Variants in GAPVD1 observed in about 807,000 individuals in gnomAD.
The protein encoded by GAPVD1 is GTPase activating protein and VPS9 domains 1.
In GAPVD1, 35 loss-of-function variants were observed where a neutral mutation model predicts 155.5. The observed-to-expected ratio is 0.23, with a 90% CI of 0.17 to 0.30. The LOEUF is 0.30. Among genes scored for constraint, GAPVD1 ranks in the 10% least tolerant of loss-of-function variants. The probability of loss-of-function intolerance (pLI) is 1.00; values close to 1 mark genes in which losing one functional copy is unlikely to be tolerated. For synonymous variants in GAPVD1, 636 were observed against 619.7 expected, an observed-to-expected ratio of 1.03 and a Z score of -0.39; for missense variants, 1,429 against 1,775.7, an observed-to-expected ratio of 0.80 and a Z score of 3.51.
intron 2 of GAPVD1, among the ~76,000 whole-genome samples, chr9:125,279,228 C>T (rs980524229): frequency 1.0e-4 from 15 of 149,314 alleles, no homozygotes; most frequent in Non-Finnish European, 2.2e-4. Context: ...AAAAAAAAGA[C>T]AGTCATGTAC....
intron 2 of GAPVD1, among the ~76,000 whole-genome samples, chr9:125,289,425 T>C (rs144197380): frequency 3.3e-5 from 5 of 152,218 alleles, no homozygotes; most frequent in African/African-American, 7.2e-5. Context: ...ATGGTAGCAG[T>C]AAAAGTGTTG....
At position 125,326,549 on chromosome 9, in the gene GAPVD1, T is replaced by C. The variant is rs1174160040; in HGVS notation, c.1992T>C (p.Phe664=). Residue 664 remains phenylalanine (F), a synonymous_variant, in exon 12 of 28, where the codon TTT becomes TTC. Transcript: ENST00000297933. ...GTACAGACGTCTTGGGAAGTGACTT[T>C]GACCCTAATATTGATGAAGATCGCT... The part of the protein sequence containing the change: ...TWSTDVLGSD[F]DPNIDEDRLQ... The C allele has an allele frequency of 6.2e-7, 1 of 1,613,084 alleles. No homozygotes were observed. Among genetic ancestry groups the C allele is most frequent in the Non-Finnish European group, 8.5e-7 (1 of 1,179,156 alleles).
Position 125,292,847 on chromosome 9 carries a change from C to T in GAPVD1, c.-149-2611C>T, listed in dbSNP as rs180849148. Among the ~76,000 whole-genome samples the T allele has an allele frequency of 1.6e-3, 245 of 152,278 alleles. 1 individual carries two copies. Among genetic ancestry groups the T allele is most frequent in the African/African-American group, 5.7e-3 (237 of 41,560 alleles). ...AATTAAGGGGAGTCTTAATTGAGCA[C>T]ACAGGCTCTCCTGACTTCTGCAGAT... On this transcript the variant is annotated intron_variant, in intron 2 of 27. Coordinates refer to ENST00000297933, the MANE Select transcript of GAPVD1 (RefSeq NM_001282680.3).
At chr9:125,303,584 C>G (rs895384794) in intron 5 of GAPVD1, among the ~76,000 whole-genome samples, 1 of 151,608 alleles carries the variant, frequency 6.6e-6, no homozygotes, top group Non-Finnish European at 1.5e-5. Context: ...TGAGACCAAC[C>G]TGACCAACAT....
intron 8 of GAPVD1, among the ~76,000 whole-genome samples, chr9:125,312,174 G>T (rs568257759): frequency 1.3e-5 from 2 of 152,194 alleles, no homozygotes; most frequent in African/African-American, 4.8e-5. Flanking sequence ...CATGTTTGCT[G>T]TTCTGCAGAT....
chr9:125,263,668 T>G (rs1286695254), intron 1 of GAPVD1: 1 of 951,002 alleles, frequency 1.1e-6, no homozygotes, highest in Admixed American at 1.7e-5. Flanking sequence ...AGCTTTCTTG[T>G]CGGCACTAAG....
chr9:125,338,967 T>A (rs961395823), intron 17 of GAPVD1, among the ~76,000 whole-genome samples: 2 of 143,514 alleles, frequency 1.4e-5, no homozygotes, highest in African/African-American at 5.1e-5. Context: ...GTATATATAT[T>A]TTTTGTTGTT....
At chr9:125,343,256 A>G (rs1848073326) in intron 19 of GAPVD1, among the ~76,000 whole-genome samples, 1 of 151,820 alleles carries the variant, frequency 6.6e-6, no homozygotes, top group Non-Finnish European at 1.5e-5. Context: ...TGTGTGGCCC[A>G]AGACAATTCT....
At chr9:125,279,290 G>A (rs1440646200) in intron 2 of GAPVD1, among the ~76,000 whole-genome samples, 1 of 151,786 alleles carries the variant, frequency 6.6e-6, no homozygotes, top group Non-Finnish European at 1.5e-5. Flanking sequence ...TATGAGGAAG[G>A]CCGGCCGCAA....
chr9:125,302,423 T>C lies in GAPVD1; in HGVS notation c.626T>C (p.Val209Ala), dbSNP rs573549683. ...CATGAGCCAATTATGCAACTGCTTG[T>C]TGAAGATGAAGATCACCTGGAAACA... Reference protein sequence around the residue: ...TLHEPIMQLLVEDEDHLETDP... With the variant: ...TLHEPIMQLLAEDEDHLETDP... The change falls in exon 5 of 28, where the codon GTT (valine) becomes GCT (alanine). Residue 209 changes from valine to alanine, a missense_variant. Val to Ala is a moderately conservative substitution (Grantham distance 64). Transcript: ENST00000297933. The C allele has an allele frequency of 1.2e-6, 2 of 1,613,852 alleles. No individual in the cohort carries two copies. The highest frequency in any genetic ancestry group is 1.1e-5 in the South Asian group (1 of 91,072).
intron 5 of GAPVD1, among the ~76,000 whole-genome samples, chr9:125,303,693 T>C (rs1193811000): frequency 6.6e-6 from 1 of 151,506 alleles, no homozygotes; most frequent in Non-Finnish European, 1.5e-5. Context: ...GGAGAATTGC[T>C]TGAACCCGGG....
chr9:125,313,396 C>T (rs1481843226), intron 9 of GAPVD1, among the ~76,000 whole-genome samples: 2 of 151,596 alleles, frequency 1.3e-5, no homozygotes, highest in African/African-American at 4.9e-5. Context: ...CTCTGCCTCC[C>T]GGATTCACAC....
At chr9:125,320,168 T>G (rs570625470) in intron 9 of GAPVD1, among the ~76,000 whole-genome samples, 1 of 152,298 alleles carries the variant, frequency 6.6e-6, no homozygotes, top group African/African-American at 2.4e-5. Context: ...GAGGGTACTA[T>G]TCTTCCTTCA....
intron 2 of GAPVD1, among the ~76,000 whole-genome samples, chr9:125,293,878 A>ATATATATAAATATATTTTATATATT (rs1839321617): frequency 1.6e-4 from 3 of 18,988 alleles, no homozygotes; most frequent in African/African-American, 7.4e-4. Context: ...ATATATATAT[A>ATATATATAAATATATTTTATATATT]TATATATATA....
Position 125,349,449 on chromosome 9 carries a change from A to G in GAPVD1, c.3229A>G (p.Ile1077Val). The G allele has an allele frequency of 2.5e-6, 4 of 1,613,966 alleles. No individual in the cohort carries two copies. Among genetic ancestry groups the G allele is most frequent in the Non-Finnish European group, 3.4e-6 (4 of 1,179,882 alleles). ...DSPRDEALQN[I>V]SADDLPDSAS... ...TCCCCGTGACGAAGCACTGCAGAACATCTCGGCTGATGATCTCCCAGACTC... is the reference window on the plus strand; with the variant it reads ...TCCCCGTGACGAAGCACTGCAGAACGTCTCGGCTGATGATCTCCCAGACTC... The change falls in exon 21 of 28, where the codon ATC (isoleucine) becomes GTC (valine). Residue 1077 changes from isoleucine to valine, a missense_variant. Ile to Val is a conservative substitution (Grantham distance 29, BLOSUM62 3). Coordinates refer to ENST00000297933, the MANE Select transcript of GAPVD1 (RefSeq NM_001282680.3).
chr9:125,305,371 GTTTTTTTTT>G (rs34474690), intron 6 of GAPVD1, among the ~76,000 whole-genome samples: 1 of 111,578 alleles, frequency 9.0e-6, no homozygotes, highest in South Asian at 2.9e-4. Context: ...ATTTTAAAAA[GTTTTTTTTT>G]TTTTTTTTTT....
At position 125,331,953 on chromosome 9, in the gene GAPVD1, G is replaced by A. The variant is rs149129817; in HGVS notation, c.2201G>A (p.Arg734His). 2.4e-4 allele frequency: 389 copies of A among 1,613,928 alleles called. No individual in the cohort carries two copies. The highest frequency in any genetic ancestry group is 3.3e-4 in the Middle Eastern group (2 of 6,084). ...SEAPDLKQEE[R>H]LQELESCSGL... ...GCCCCAGACCTAAAGCAGGAGGAGC[G>A]TCTGCAAGAACTGGAGAGCTGTTCT... The change falls in exon 14 of 28, where the codon CGT (arginine) becomes CAT (histidine). Residue 734 changes from arginine to histidine, a missense_variant. Arg to His is a conservative substitution (Grantham distance 29, BLOSUM62 0). Around this residue, in one of 4 missense-constraint regions of GAPVD1, gnomAD observed 699 missense variants for 826.0 expected, o/e 0.85. Coordinates refer to ENST00000297933, the MANE Select transcript of GAPVD1 (RefSeq NM_001282680.3).
intron 3 of GAPVD1, among the ~76,000 whole-genome samples, chr9:125,296,519 T>A (rs1299805003): frequency 6.6e-6 from 1 of 150,708 alleles, no homozygotes; most frequent in African/African-American, 2.5e-5. Context: ...CATGCCCGGC[T>A]AATTTTGTGT....
chr9:125,269,711 T>G (rs1834568415), intron 2 of GAPVD1, among the ~76,000 whole-genome samples: 1 of 94,310 alleles, frequency 1.1e-5, no homozygotes, highest in African/African-American at 7.3e-5. Flanking sequence ...CATGCCTGGC[T>G]TTTTTTTTTT....
Sources: allele counts gnomAD v4.1 joint callset (sites outside exome capture counted in the v4.1 genomes callset), GRCh38; gene constraint gnomAD v4.1.1; regional missense constraint gnomAD v4.1.1; transcripts MANE v1.5; gene names NCBI Gene and HGNC (gene_info 2026-07-23, HGNC 2026-07-21).